FUT8: variants seen among roughly 807,000 people sequenced by gnomAD.
FUT8 encodes alpha-(1,6)-fucosyltransferase.
FUT8 carries 29 observed loss-of-function variants against 71.3 expected under a neutral mutation model. That is an observed-to-expected ratio of 0.41 (90% CI 0.30 to 0.55). The LOEUF (loss-of-function observed/expected upper bound fraction) is 0.55, where lower values mean the gene tolerates loss of function less well. Among genes scored for constraint, FUT8 ranks in the 20% least tolerant of loss-of-function variants. The probability of loss-of-function intolerance (pLI) is 0.34; values close to 1 mark genes in which losing one functional copy is unlikely to be tolerated. For missense variants in FUT8, 544 were observed against 702.1 expected (o/e 0.77, Z 2.55); for synonymous variants, 254 against 239.3 (o/e 1.06, Z -0.57).
chr14:65,430,995 T>A (rs1440407023), intron 1 of FUT8, among the ~76,000 whole-genome samples: 1 of 146,672 alleles, frequency 6.8e-6, no homozygotes, highest in African/African-American at 2.6e-5. Flanking sequence ...TACTAATTTT[T>A]TTTTTTTTTT....
At chr14:65,735,358 T>C (rs1460437840) in intron 10 of FUT8, among the ~76,000 whole-genome samples, 1 of 152,172 alleles carries the variant, frequency 6.6e-6, no homozygotes, top group Non-Finnish European at 1.5e-5. Flanking sequence ...TTCTATTACT[T>C]TGTTTGGTTT....
chr14:65,545,040 C>T (rs1884908618), intron 2 of FUT8, among the ~76,000 whole-genome samples: 1 of 149,900 alleles, frequency 6.7e-6, no homozygotes, highest in Non-Finnish European at 1.5e-5. Context: ...TTTTCGTTGT[C>T]TTCATTTCAG....
intron 9 of FUT8, among the ~76,000 whole-genome samples, chr14:65,730,520 A>G (rs1895926408): frequency 6.6e-6 from 1 of 152,142 alleles, no homozygotes; most frequent in South Asian, 2.1e-4. Flanking sequence ...AAAAATACAA[A>G]AAATTAGCTG....
intron 2 of FUT8, among the ~76,000 whole-genome samples, chr14:65,498,312 T>A (rs1039130584): frequency 6.6e-6 from 1 of 152,120 alleles, no homozygotes; most frequent in Non-Finnish European, 1.5e-5. Context: ...TAAACTTAAG[T>A]GTTTGGAAGA....
rs149618150 is a variant in FUT8, at chr14:65,618,990, A to G, written c.482+2617A>G. ...TTGACAGAGTGTGGGTACCCTGGCC[A>G]CTTTGTACTTGCGATGGCATGTGAA... On this transcript the variant is annotated intron_variant, in intron 5 of 10. Coordinates refer to ENST00000673929, the MANE Select transcript of FUT8 (RefSeq NM_001371533.1). Among the ~76,000 whole-genome samples, 753 of 152,244 alleles carry G rather than the reference A, an allele frequency of 4.9e-3. 8 individuals carry two copies. The highest frequency in any genetic ancestry group is 0.017 in the African/African-American group (715 of 41,544).
At chr14:65,712,753 G>T (rs550302833) in intron 7 of FUT8, among the ~76,000 whole-genome samples, 2 of 152,162 alleles carry the variant, frequency 1.3e-5, no homozygotes, top group South Asian at 2.1e-4. Context: ...TGAAAATATA[G>T]TTTTTTCTTT....
intron 2 of FUT8, chr14:65,468,015 C>T (rs557406788): frequency 6.6e-5 from 45 of 684,292 alleles, no homozygotes; most frequent in East Asian, 1.7e-4. Flanking sequence ...GTGCTCAATA[C>T]GCACATTAAT....
intron 2 of FUT8, among the ~76,000 whole-genome samples, chr14:65,530,828 T>TCTCC (rs202086058): frequency 6.7e-6 from 1 of 150,356 alleles, no homozygotes. Context: ...TCTCTCTCTC[T>TCTCC]CTCCCTCCCT....
chr14:65,621,634 TCG>T (rs1406556300), intron 5 of FUT8, among the ~76,000 whole-genome samples: 5 of 152,116 alleles, frequency 3.3e-5, no homozygotes, highest in Admixed American at 6.5e-5. Flanking sequence ...CGATCTCAGC[TCG>T]CTGCAACCTC....
At chr14:65,707,161 C>T (rs920394461) in intron 7 of FUT8, among the ~76,000 whole-genome samples, 2 of 152,154 alleles carry the variant, frequency 1.3e-5, no homozygotes, top group African/African-American at 2.4e-5. Context: ...TGCACATCCT[C>T]GCCACCACTT....
chr14:65,522,345 G>A (rs1413721425), intron 2 of FUT8, among the ~76,000 whole-genome samples: 2 of 152,060 alleles, frequency 1.3e-5, no homozygotes, highest in African/African-American at 2.4e-5. Context: ...TACCAACTCA[G>A]AGTGTTATTT....
intron 2 of FUT8, among the ~76,000 whole-genome samples, chr14:65,548,841 CTT>C: frequency 6.6e-6 from 1 of 152,144 alleles, no homozygotes; most frequent in Middle Eastern, 3.4e-3. Flanking sequence ...TGATAAAAGA[CTT>C]ATGTTCAGAA....
chr14:65,416,219 G>A (rs2065217104), intron 1 of FUT8, among the ~76,000 whole-genome samples: 1 of 150,342 alleles, frequency 6.7e-6, no homozygotes, highest in Non-Finnish European at 1.5e-5. Flanking sequence ...AATCATAAGA[G>A]TAAATATTTA....
At chr14:65,447,086 AT>A (rs1391360105) in intron 1 of FUT8, among the ~76,000 whole-genome samples, 2 of 151,286 alleles carry the variant, frequency 1.3e-5, no homozygotes, top group Non-Finnish European at 3.0e-5. Context: ...ACCTTTCTTT[AT>A]TTTCATGTTT....
chr14:65,468,504 T>A (rs1436150174), intron 2 of FUT8, among the ~76,000 whole-genome samples: 1 of 152,082 alleles, frequency 6.6e-6, no homozygotes, highest in Non-Finnish European at 1.5e-5. Context: ...AGATGTTTTC[T>A]GTGTGTGTTG....
At chr14:65,509,107 G>A (rs1225889415) in intron 2 of FUT8, among the ~76,000 whole-genome samples, 2 of 152,070 alleles carry the variant, frequency 1.3e-5, no homozygotes, top group Admixed American at 6.5e-5. Context: ...TTTGTATATG[G>A]TGAGAGATAG....
the FUT8 span, among the ~76,000 whole-genome samples, chr14:65,368,453 G>C: frequency 7.5e-6 from 1 of 132,632 alleles, no homozygotes; most frequent in Non-Finnish European, 1.6e-5. Context: ...CGATTCTCCT[G>C]CCTCGGCCTC....
rs79535147 is a variant in FUT8, at chr14:65,429,323, G to A, written c.-326+16109G>A. ...CTTTATTTTTACCCAACATACTAGA[G>A]CATATGAGTGATAACCCACAGAGCA... is the stretch of plus-strand genomic sequence containing the variant. On this transcript the variant is annotated intron_variant, in intron 1 of 10. Coordinates refer to ENST00000673929, the MANE Select transcript of FUT8 (RefSeq NM_001371533.1). 6.0e-3 allele frequency among the ~76,000 whole-genome samples: 918 copies of A among 152,212 alleles called. 11 individuals are homozygous for A. The highest frequency in any genetic ancestry group is 0.036 in the East Asian group (185 of 5,186).
intron 1 of FUT8, among the ~76,000 whole-genome samples, chr14:65,431,572 T>TA (rs922449331): frequency 4.6e-5 from 7 of 151,812 alleles, no homozygotes; most frequent in Admixed American, 2.0e-4. Flanking sequence ...CTCAGCCTCT[T>TA]AAAGTGTTGG....
Sources: gnomAD v4.1 joint callset for allele counts (sites outside exome capture counted in the v4.1 genomes callset) on GRCh38, gnomAD v4.1.1 for gene constraint, MANE v1.5 for transcripts, NCBI Gene and HGNC (gene_info 2026-07-23, HGNC 2026-07-21) for gene names.